Variants in SATB2 observed in about 807,000 individuals in gnomAD.
SATB2 encodes the protein SATB homeobox 2.
In SATB2, 1 loss-of-function variant was observed where a neutral mutation model predicts 73.4. The ratio of observed to expected loss-of-function variants is 0.01; its 90% CI spans 0.00 to 0.06. SATB2 has a LOEUF of 0.06. Among genes scored for constraint, SATB2 ranks in the 10% least tolerant of loss-of-function variants. SATB2 has a pLI of 1.00. For synonymous variants in SATB2, 397 were observed against 367.0 expected (o/e 1.08, Z -0.93); for missense variants, 459 against 945.8 (o/e 0.49, Z 6.75).
At chr2:199,341,168 A>C (rs988653050) in intron 7 of SATB2, among the ~76,000 whole-genome samples, 1 of 152,230 alleles carries the variant, frequency 6.6e-6, no homozygotes, top group African/African-American at 2.4e-5. Flanking sequence ...TAAGGTTGGA[A>C]TTCATAATCA....
At chr2:199,273,193 A>C (rs774386145) in intron 10 of SATB2, among the ~76,000 whole-genome samples, 4 of 152,236 alleles carry the variant, frequency 2.6e-5, no homozygotes, top group Non-Finnish European at 5.9e-5. Context: ...TAAATGACAT[A>C]ATTGTTACAA....
intron 10 of SATB2, among the ~76,000 whole-genome samples, chr2:199,281,914 C>T (rs964779089): frequency 1.7e-4 from 24 of 143,686 alleles, no homozygotes; most frequent in African/African-American, 6.2e-4. Context: ...CAGGGTCTTG[C>T]TCTGTCGCCC....
chr2:199,329,363 TA>T (rs1320391404), intron 7 of SATB2: 14 of 138,560 alleles, frequency 1.0e-4, no homozygotes, highest in South Asian at 4.2e-4. Flanking sequence ...TACATCAATT[TA>T]AAAAAAAAAC....
At chr2:199,417,403 G>A (rs552502802) in intron 3 of SATB2, among the ~76,000 whole-genome samples, 41 of 152,170 alleles carry the variant, frequency 2.7e-4, no homozygotes, top group Non-Finnish European at 4.1e-4. Context: ...GTGCTTTGAG[G>A]CAGTTCCACA....
chr2:199,343,126 ACACAC>A (rs1688555741), intron 7 of SATB2, among the ~76,000 whole-genome samples: 2 of 151,636 alleles, frequency 1.3e-5, no homozygotes, highest in African/African-American at 4.9e-5. Context: ...ACACACACAC[ACACAC>A]ACACACATAC....
intron 10 of SATB2, among the ~76,000 whole-genome samples, chr2:199,275,246 C>T (rs1692277642): frequency 6.6e-6 from 1 of 152,180 alleles, no homozygotes; most frequent in South Asian, 2.1e-4. Flanking sequence ...TATAATCTTT[C>T]TGCATGATTG....
rs148806110 is a variant in SATB2 at position 199,464,433 on chromosome 2, GCA to G, written c.-141+401_-141+402del. 0.065 allele frequency among the ~76,000 whole-genome samples: 9,707 copies of G among 149,228 alleles called. 929 individuals are homozygous for G. Among genetic ancestry groups the G allele is most frequent in the African/African-American group, 0.21 (8,620 of 41,054 alleles). On this transcript the variant is annotated intron_variant, in intron 1 of 11. Coordinates refer to the SATB2 transcript ENST00000260926. This position sits in a 1 kb window ranked among gnomAD's most constrained non-coding sequence, Gnocchi z 6.6. ...CACCACCATTTCCACGCGCGCGCGC[GCA>G]CACACACACACACACACACAGAGGG...
At chr2:199,357,046 A>C (rs936122295) in intron 6 of SATB2, among the ~76,000 whole-genome samples, 4 of 152,186 alleles carry the variant, frequency 2.6e-5, no homozygotes, top group African/African-American at 9.7e-5. Context: ...TGTTAATGGA[A>C]GATTCTGAAT....
intron 3 of SATB2, among the ~76,000 whole-genome samples, chr2:199,404,846 T>A (rs1164016522): frequency 1.3e-5 from 2 of 152,226 alleles, no homozygotes; most frequent in East Asian, 3.8e-4. Flanking sequence ...AACACTGTGA[T>A]GCTTCTAAGA....
intron 3 of SATB2, among the ~76,000 whole-genome samples, chr2:199,409,567 G>A (rs1690747715): frequency 6.6e-6 from 1 of 152,016 alleles, no homozygotes; most frequent in African/African-American, 2.4e-5. Flanking sequence ...TGGACAAGAT[G>A]GTGAATTAAC....
chr2:199,274,844 G>C (rs985973780), intron 10 of SATB2, among the ~76,000 whole-genome samples: 30 of 151,908 alleles, frequency 2.0e-4, no homozygotes, highest in African/African-American at 7.3e-4. Flanking sequence ...ATGGGGGGTG[G>C]GGGGACTGGT....
At chr2:199,314,974 T>C (rs1226595368) in intron 9 of SATB2, among the ~76,000 whole-genome samples, 1 of 152,038 alleles carries the variant, frequency 6.6e-6, no homozygotes, top group East Asian at 1.9e-4. Context: ...AGACTAGATA[T>C]CTTTTTTCAT....
intron 3 of SATB2, among the ~76,000 whole-genome samples, chr2:199,384,464 C>G (rs1306671384): frequency 6.6e-6 from 1 of 152,232 alleles, no homozygotes; most frequent in Non-Finnish European, 1.5e-5. Flanking sequence ...TGGAGTAACT[C>G]TTAATGAGCC....
chr2:199,391,545 T>C (rs1344733975), intron 3 of SATB2, among the ~76,000 whole-genome samples: 1 of 152,140 alleles, frequency 6.6e-6, no homozygotes. Context: ...TTAAACCTAA[T>C]GCACACAGCT....
At position 199,381,945 on chromosome 2, in the gene SATB2, C is replaced by G. The variant is rs1042986431; in HGVS notation, c.347-125G>C. The G allele has an allele frequency of 1.3e-5, 14 of 1,062,232 alleles. No individual in the cohort carries two copies. The African/African-American group carries it at 2.2e-4, about 17-fold the overall frequency. The allele number at this position is 1,062,232 out of a possible 1,614,324, so 65.8% of individuals were successfully genotyped here. ...CAAGGCCCACTCAGATATTTTACAA[C>G]CCAGTGCAATAAGCTATTTCTTTCT... On this transcript the variant is annotated intron_variant, in intron 3 of 10. Coordinates refer to ENST00000417098, the MANE Select transcript of SATB2 (RefSeq NM_001172509.2).
intron 7 of SATB2, among the ~76,000 whole-genome samples, chr2:199,338,042 T>A (rs983803676): frequency 2.0e-5 from 3 of 152,136 alleles, no homozygotes; most frequent in African/African-American, 7.2e-5. Flanking sequence ...ACTAGTTAAA[T>A]AATACAACAA....
At chr2:199,363,045 T>C (rs577967281) in intron 6 of SATB2, among the ~76,000 whole-genome samples, 109 of 152,356 alleles carry the variant, frequency 7.2e-4, no homozygotes, top group African/African-American at 2.5e-3. Flanking sequence ...TGAATAAGTA[T>C]ATTCAGCCCA....
At chr2:199,331,069 G>A (rs1342102771) in intron 7 of SATB2, among the ~76,000 whole-genome samples, 1 of 152,060 alleles carries the variant, frequency 6.6e-6, no homozygotes, top group Non-Finnish European at 1.5e-5. Context: ...TTAACAAGTT[G>A]TGGAGTTTAT....
chr2:199,423,681 AT>A (rs1479238083), intron 3 of SATB2: 3 of 152,140 alleles, frequency 2.0e-5, no homozygotes, highest in African/African-American at 4.8e-5. Context: ...ATTGCTATTT[AT>A]TACCATGGCT....
Sources: gnomAD v4.1 joint callset for allele counts (sites outside exome capture counted in the v4.1 genomes callset) on GRCh38, gnomAD v4.1.1 for gene constraint, Gnocchi (gnomAD v3.1) non-coding constraint, MANE v1.5 for transcripts, NCBI Gene and HGNC (gene_info 2026-07-23, HGNC 2026-07-21) for gene names.